Variants in GSE1 observed in about 807,000 individuals in gnomAD.
GSE1 encodes genetic suppressor element 1.
A neutral mutation model predicts 112.6 loss-of-function variants in GSE1; 32 were observed. That is an observed-to-expected ratio of 0.28 (90% CI 0.21 to 0.38). GSE1 has a LOEUF of 0.38. GSE1 is among the 10% of genes least tolerant of loss of function. The pLI is 1.00. For missense variants in GSE1, 2,348 were observed against 1,699.2 expected (o/e 1.38, Z -6.71); for synonymous variants, 1,115 against 735.6 (o/e 1.52, Z -8.35).
At chr16:85,321,782 G>A (rs1301677112) in intron 1 of GSE1, among the ~76,000 whole-genome samples, 1 of 150,058 alleles carries the variant, frequency 6.7e-6, no homozygotes, top group East Asian at 1.9e-4. Context: ...GACAGAGTGA[G>A]AGCCTGTCTT....
At chr16:85,348,238 TCATC>T (rs1017762006) in intron 1 of GSE1, among the ~76,000 whole-genome samples, 7 of 151,972 alleles carry the variant, frequency 4.6e-5, no homozygotes, top group African/African-American at 1.7e-4. Flanking sequence ...CACCTGTCCA[TCATC>T]CATCCATCCA....
At chr16:85,565,411 AAAAAC>A (rs1251797289) in intron 1 of GSE1, among the ~76,000 whole-genome samples, 14 of 151,610 alleles carry the variant, frequency 9.2e-5, no homozygotes, top group African/African-American at 3.4e-4. Flanking sequence ...AAAAACAAAA[AAAAAC>A]AAAAAAACCA....
chr16:85,378,066 CT>C (rs1486893532), intron 2 of GSE1, among the ~76,000 whole-genome samples: 3 of 152,204 alleles, frequency 2.0e-5, no homozygotes, highest in Non-Finnish European at 2.9e-5. Context: ...AGCCACGTCT[CT>C]TGGAGACAGA....
At chr16:85,407,001 GT>G (rs1179082654) in intron 2 of GSE1, among the ~76,000 whole-genome samples, 1 of 10,180 alleles carries the variant, frequency 9.8e-5, no homozygotes, top group Non-Finnish European at 1.6e-4. Flanking sequence ...TGCACTCAGG[GT>G]CCCCCGGATA....
intron 2 of GSE1, among the ~76,000 whole-genome samples, chr16:85,441,399 G>A (rs891207744): frequency 1.3e-5 from 2 of 152,160 alleles, no homozygotes; most frequent in Non-Finnish European, 2.9e-5. Context: ...TCACGCCTGC[G>A]GTCCCAGCAC....
chr16:85,476,865 G>T (rs1411379438), intron 2 of GSE1, among the ~76,000 whole-genome samples: 1 of 150,406 alleles, frequency 6.6e-6, no homozygotes, highest in African/African-American at 2.5e-5. Context: ...CTCTCACCTT[G>T]GCCTTCCAAA....
intron 1 of GSE1, among the ~76,000 whole-genome samples, chr16:85,266,818 G>T (rs1908293849): frequency 6.6e-6 from 1 of 152,144 alleles, no homozygotes; most frequent in South Asian, 2.1e-4. Flanking sequence ...CCTGTGTGTT[G>T]AGGCCTGAGA....
chr16:85,343,964 G>T (rs1051678054), intron 1 of GSE1, among the ~76,000 whole-genome samples: 19 of 152,104 alleles, frequency 1.2e-4, no homozygotes, highest in African/African-American at 4.6e-4. Flanking sequence ...CCGTCTCAGG[G>T]CCTTTGCACT....
intron 3 of GSE1, among the ~76,000 whole-genome samples, chr16:85,649,473 G>A (rs2051152206): frequency 6.6e-6 from 1 of 152,222 alleles, no homozygotes. Flanking sequence ...GGGGCTCCCA[G>A]CGGAGGCCCC....
chr16:85,200,076 C>A (rs1316518200), intron 1 of GSE1, among the ~76,000 whole-genome samples: 1 of 152,154 alleles, frequency 6.6e-6, no homozygotes, highest in Non-Finnish European at 1.5e-5. Flanking sequence ...CTCTGTTATC[C>A]CACCCTCTGC....
chr16:85,660,669 C>T (rs963963886), intron 8 of GSE1, among the ~76,000 whole-genome samples: 3 of 151,374 alleles, frequency 2.0e-5, no homozygotes, highest in South Asian at 4.3e-4. Context: ...CTTGCTCTGT[C>T]GCCTAGGCTG....
At chr16:85,175,765 A>G (rs1192935915) in intron 1 of GSE1, among the ~76,000 whole-genome samples, 1 of 152,196 alleles carries the variant, frequency 6.6e-6, no homozygotes, top group Non-Finnish European at 1.5e-5. Context: ...CCCACCCTCC[A>G]GGAGGCGTGC....
chr16:85,373,498 G>A lies in GSE1; in HGVS notation c.2464+15855G>A, dbSNP rs1477014651. On this transcript the variant is annotated intron_variant, in intron 2 of 2. Transcript: ENST00000637419. The surrounding 1 kb of genome is among the most constrained non-coding windows in gnomAD (Gnocchi z 5.1). ...CTCAGCCTGTCTCCCCATTTGTGAA[G>A]TAGGGATGCTGTGGCAGCTGCCTCC... Among the ~76,000 whole-genome samples, 2 of 152,168 alleles carry A rather than the reference G, an allele frequency of 1.3e-5. No individual in the cohort carries two copies. Among genetic ancestry groups the A allele is most frequent in the Non-Finnish European group, 2.9e-5 (2 of 68,018 alleles).
Position 85,634,053 on chromosome 16 carries a change from G to T in GSE1, c.147G>T (p.Ala49=). The T allele has an allele frequency of 6.2e-7, 1 of 1,608,930 alleles. No individual in the cohort carries two copies. The highest frequency in any genetic ancestry group is 8.5e-7 in the Non-Finnish European group (1 of 1,177,848). Residue 49 remains alanine (A), a synonymous_variant, in exon 2 of 16, where the codon GCG becomes GCT. Coordinates refer to ENST00000253458, the MANE Select transcript of GSE1 (RefSeq NM_014615.5). ...GCGGCAGCCCCGCCACCAGCAGCGC[G>T]CTGTCGGCCCAGGCCGCGCCATCCT... ...VPSGSPATSS[A]LSAQAAPSSS...
rs149287456 is a variant in GSE1, at chr16:85,403,000, C to A, written c.2464+45357C>A. On this transcript the variant is annotated intron_variant, in intron 2 of 2. Coordinates refer to the GSE1 transcript ENST00000637419. ...GCATGTGCGGGTCAGGGATCCGGAT[C>A]CAGCTTAGCCGGGCCTCCTGGGTAT... is the stretch of plus-strand genomic sequence containing the variant. 7.9e-5 allele frequency among the ~76,000 whole-genome samples: 12 copies of A among 152,228 alleles called. No individual in the cohort carries two copies. The East Asian group carries it at 1.7e-3, about 22-fold the overall frequency.
chr16:85,505,207 G>A (rs927745891), intron 2 of GSE1, among the ~76,000 whole-genome samples: 3 of 152,202 alleles, frequency 2.0e-5, no homozygotes, highest in Admixed American at 2.0e-4. Flanking sequence ...CAAGAGCAGG[G>A]TGATAGGGTG....
chr16:85,544,579 A>G (rs1598125332), intron 2 of GSE1, among the ~76,000 whole-genome samples: 1 of 152,178 alleles, frequency 6.6e-6, no homozygotes, highest in Admixed American at 6.5e-5. Flanking sequence ...AAAAGCTCGC[A>G]CCCAGCATGA....
intron 2 of GSE1, among the ~76,000 whole-genome samples, chr16:85,434,701 C>T (rs2049202906): frequency 1.3e-5 from 2 of 152,202 alleles, no homozygotes; most frequent in Admixed American, 1.3e-4. Context: ...ATCTGTAATC[C>T]CAGCTACCGG....
chr16:85,197,838 T>G (rs2074957294), intron 1 of GSE1, among the ~76,000 whole-genome samples: 1 of 152,016 alleles, frequency 6.6e-6, no homozygotes, highest in African/African-American at 2.4e-5. Flanking sequence ...GAGAGAGGGT[T>G]TGTCCGGGTA....
Sources: allele counts gnomAD v4.1 joint callset (sites outside exome capture counted in the v4.1 genomes callset), GRCh38; gene constraint gnomAD v4.1.1; non-coding constraint Gnocchi (gnomAD v3.1); transcripts MANE v1.5; gene names NCBI Gene and HGNC (gene_info 2026-07-23, HGNC 2026-07-21).